RORB: variants seen among roughly 807,000 people sequenced by gnomAD.
The protein encoded by RORB is RAR related orphan receptor B.
RORB carries 6 observed loss-of-function variants against 59.1 expected under a neutral mutation model. The observed-to-expected ratio is 0.10, with a 90% CI of 0.06 to 0.20. The LOEUF (loss-of-function observed/expected upper bound fraction) is 0.20, where lower values mean the gene tolerates loss of function less well. Ranked by LOEUF, RORB falls within the 10% of genes least tolerant of loss-of-function variation. The probability of loss-of-function intolerance (pLI) is 1.00; values close to 1 mark genes in which losing one functional copy is unlikely to be tolerated. For missense variants in RORB, 320 were observed against 560.5 expected (o/e 0.57, Z 4.33); for synonymous variants, 215 against 204.5 (o/e 1.05, Z -0.44).
At chr9:74,529,187 A>T (rs1304797872) in intron 1 of RORB, among the ~76,000 whole-genome samples, 1 of 151,968 alleles carries the variant, frequency 6.6e-6, no homozygotes, top group Non-Finnish European at 1.5e-5. Flanking sequence ...AATTTTCTTG[A>T]TACAGGGGAG....
chr9:74,671,867 A>G lies in RORB; in HGVS notation c.1190A>G (p.Gln397Arg). Reference sequence around the variant, plus strand: ...TATTTTGCACTTCAACATGTGATTCAGAAGAATCACCTGGATGATGAGACC... The same window carrying G: ...TATTTTGCACTTCAACATGTGATTCGGAAGAATCACCTGGATGATGAGACC... ...KIYFALQHVIQKNHLDDETLA... is the reference protein window; with the variant it reads ...KIYFALQHVIRKNHLDDETLA... Residue 397 changes from glutamine to arginine, a missense_variant, in exon 9 of 10, where the codon CAG becomes CGG. Gln to Arg is a conservative substitution (Grantham distance 43). Coordinates refer to ENST00000376896, the MANE Select transcript of RORB (RefSeq NM_006914.4). 6.2e-7 allele frequency: 1 copy of G among 1,610,624 alleles called. No individual in the cohort carries two copies.
Position 74,686,491 on chromosome 9 carries a change from A to C in RORB, c.*873A>C, listed in dbSNP as rs1018579197. 2 of 152,302 alleles carry C rather than the reference A, an allele frequency of 1.3e-5. No homozygotes were observed. Among genetic ancestry groups the C allele is most frequent in the Middle Eastern group, 3.4e-3 (1 of 294 alleles). 9.4% of individuals were successfully genotyped at this position (152,302 alleles called of 1,614,324 possible). A position where few individuals can be genotyped will look rare whatever the true frequency, so the allele number is the denominator to read the frequency against. ...CATTGCAAGGTCCAAGACTTTTTTG[A>C]CCAAACAGTAGATATTTTCTATTTT... On this transcript the variant is annotated 3_prime_UTR_variant, in exon 10 of 10. Transcript: ENST00000376896.
Position 74,497,832 on chromosome 9 carries a change from C to T in RORB, c.-145C>T. On this transcript the variant is annotated 5_prime_UTR_variant, in exon 1 of 10. Coordinates refer to ENST00000376896, the MANE Select transcript of RORB (RefSeq NM_006914.4). ...GGCAAACGTCACCCTGCAGCCACGG[C>T]GTCCGCCTAAAGGGATGGTTTTCTC... 1 of 903,028 alleles carries T rather than the reference C, an allele frequency of 1.1e-6. No homozygotes were observed. Among genetic ancestry groups the T allele is most frequent in the Non-Finnish European group, 1.7e-6 (1 of 584,542 alleles). The allele number at this position is 903,028 out of a possible 1,614,324, so 55.9% of individuals were successfully genotyped here.
chr9:74,673,388 T>C (rs1002607482), intron 9 of RORB, among the ~76,000 whole-genome samples: 1 of 152,130 alleles, frequency 6.6e-6, no homozygotes, highest in Non-Finnish European at 1.5e-5. Context: ...AAATTCTCGC[T>C]ATTCTGCTTG....
intron 8 of RORB, among the ~76,000 whole-genome samples, chr9:74,670,373 C>G (rs1190762632): frequency 6.6e-6 from 1 of 151,948 alleles, no homozygotes; most frequent in Non-Finnish European, 1.5e-5. Context: ...TTTTAAGCAG[C>G]AAATATTTAA....
intron 1 of RORB, among the ~76,000 whole-genome samples, chr9:74,590,968 T>C (rs1387110728): frequency 3.3e-5 from 5 of 152,032 alleles, no homozygotes; most frequent in African/African-American, 1.2e-4. Flanking sequence ...GCTAACTTTT[T>C]GTATTTTTAG....
chr9:74,537,437 A>G (rs1826336864), intron 1 of RORB, among the ~76,000 whole-genome samples: 2 of 152,014 alleles, frequency 1.3e-5, no homozygotes. Flanking sequence ...GAAACTTGAA[A>G]AGGCTAATTT....
intron 4 of RORB, among the ~76,000 whole-genome samples, chr9:74,660,167 G>T (rs1824157079): frequency 6.6e-6 from 1 of 151,826 alleles, no homozygotes; most frequent in South Asian, 2.1e-4. Flanking sequence ...ATTGTTTAAT[G>T]CTTCCTTTAA....
At chr9:74,660,516 T>A in intron 4 of RORB, 101 bp from the exon 5 acceptor site, 1 of 1,007,714 alleles carries the variant, frequency 9.9e-7, no homozygotes. Flanking sequence ...TTTAATACAA[T>A]AGGAGTATCT....
At chr9:74,581,188 A>C (rs1822717464) in intron 1 of RORB, among the ~76,000 whole-genome samples, 1 of 152,086 alleles carries the variant, frequency 6.6e-6, no homozygotes, top group African/African-American at 2.4e-5. Flanking sequence ...AACCCTTTAA[A>C]CCTTCTTAAA....
chr9:74,656,525 C>T (rs1031999645), intron 4 of RORB, among the ~76,000 whole-genome samples: 2 of 152,180 alleles, frequency 1.3e-5, no homozygotes, highest in African/African-American at 4.8e-5. Context: ...CGCCTGAGGT[C>T]AAGAGTTCGA....
At chr9:74,504,653 T>G (rs1193278541) in intron 1 of RORB, among the ~76,000 whole-genome samples, 1 of 152,028 alleles carries the variant, frequency 6.6e-6, no homozygotes, top group Non-Finnish European at 1.5e-5. Flanking sequence ...CCTGGCTAAT[T>G]TAGAGGAATC....
chr9:74,601,798 G>A (rs1290907684), intron 1 of RORB, among the ~76,000 whole-genome samples: 1 of 152,084 alleles, frequency 6.6e-6, no homozygotes, highest in Non-Finnish European at 1.5e-5. Flanking sequence ...CTAATCACTG[G>A]TTGTATTTTA....
At chr9:74,538,224 C>T (rs1355862479) in intron 1 of RORB, among the ~76,000 whole-genome samples, 1 of 152,014 alleles carries the variant, frequency 6.6e-6, no homozygotes, top group Non-Finnish European at 1.5e-5. Flanking sequence ...TGTGTAAGTA[C>T]ACTCTGTGGT....
chr9:74,528,699 G>T (rs1826191622), intron 1 of RORB, among the ~76,000 whole-genome samples: 1 of 151,752 alleles, frequency 6.6e-6, no homozygotes. Flanking sequence ...TTCTTCTTTT[G>T]TAATGTTGCA....
At chr9:74,610,869 G>A (rs943554100) in intron 1 of RORB, among the ~76,000 whole-genome samples, 1 of 152,206 alleles carries the variant, frequency 6.6e-6, no homozygotes, top group Admixed American at 6.5e-5. Flanking sequence ...GTCTGGAATG[G>A]TATCTAAGAA....
chr9:74,604,788 G>T (rs1192673886), intron 1 of RORB, among the ~76,000 whole-genome samples: 1 of 152,152 alleles, frequency 6.6e-6, no homozygotes, highest in East Asian at 1.9e-4. Flanking sequence ...CCCAGGCTTT[G>T]TTGACCCCCA....
At chr9:74,595,616 T>A (rs1490399518) in intron 1 of RORB, among the ~76,000 whole-genome samples, 1 of 152,204 alleles carries the variant, frequency 6.6e-6, no homozygotes, top group African/African-American at 2.4e-5. Flanking sequence ...CAGCTTTGTA[T>A]CCCTTTCCTT....
intron 1 of RORB, among the ~76,000 whole-genome samples, chr9:74,512,817 C>A (rs958343079): frequency 6.6e-6 from 1 of 152,110 alleles, no homozygotes; most frequent in Non-Finnish European, 1.5e-5. Context: ...TTACAATAAT[C>A]TCATTTCCAC....
Sources: allele counts gnomAD v4.1 joint callset (sites outside exome capture counted in the v4.1 genomes callset), GRCh38; gene constraint gnomAD v4.1.1; transcripts MANE v1.5; gene names NCBI Gene and HGNC (gene_info 2026-07-23, HGNC 2026-07-21).